The following VWA8 variants were observed in gnomAD, a reference collection of about 807,000 sequenced individuals.
VWA8 encodes the protein von Willebrand factor A domain-containing protein 8.
VWA8 carries 221 observed loss-of-function variants against 241.5 expected under a neutral mutation model. The ratio of observed to expected loss-of-function variants is 0.91; its 90% CI spans 0.82 to 1.02. The LOEUF (loss-of-function observed/expected upper bound fraction) is 1.02, where lower values mean the gene tolerates loss of function less well. Among genes scored for constraint, VWA8 ranks in the 50% least tolerant of loss-of-function variants. The pLI, the probability that VWA8 is intolerant of heterozygous loss-of-function variation, is 0.00. For missense variants in VWA8, 2,322 were observed against 2,328.7 expected, an observed-to-expected ratio of 1.00 and a Z score of 0.06; for synonymous variants, 852 against 827.1, an observed-to-expected ratio of 1.03 and a Z score of -0.52.
At chr13:41,927,955 A>G (rs1015242627) in intron 2 of VWA8, among the ~76,000 whole-genome samples, 1 of 152,232 alleles carries the variant, frequency 6.6e-6, no homozygotes, top group Non-Finnish European at 1.5e-5. Flanking sequence ...GAATGGCTAT[A>G]CTAATATCTA....
chr13:41,670,355 T>C (rs947043531), intron 37 of VWA8, among the ~76,000 whole-genome samples: 1 of 151,632 alleles, frequency 6.6e-6, no homozygotes, highest in Non-Finnish European at 1.5e-5. Context: ...ACTGAGTCAT[T>C]TCTGGAGTTA....
chr13:41,586,749 T>A (rs2044420862), intron 42 of VWA8, among the ~76,000 whole-genome samples: 1 of 152,238 alleles, frequency 6.6e-6, no homozygotes, highest in African/African-American at 2.4e-5. Context: ...TGATCCGTAA[T>A]AAAATCTAGT....
At chr13:41,778,891 G>C (rs1868753734) in intron 19 of VWA8, among the ~76,000 whole-genome samples, 1 of 138,138 alleles carries the variant, frequency 7.2e-6, no homozygotes, top group Admixed American at 7.9e-5. Context: ...GCCCAGGCTG[G>C]AGTGCAGTGG....
chr13:41,732,115 T>C lies in VWA8; in HGVS notation c.2467A>G (p.Lys823Glu), dbSNP rs1593728154. ...TCTTCATATACAATAAGTCCGTCTT[T>C]AACCGAAGGCTGAAGCGTAAGAGTT... The part of the protein sequence containing the change: ...VQTLTLQPSV[K>E]DGLIVYEDSP... Residue 823 changes from lysine (K) to glutamate (E), a missense_variant, in exon 22 of 45, where the codon AAA becomes GAA. By Grantham distance (56) the Lys-to-Glu change is moderately conservative. Coordinates refer to ENST00000379310, the MANE Select transcript of VWA8 (RefSeq NM_015058.2). 1.9e-6 allele frequency: 3 copies of C among 1,613,438 alleles called. No individual in the cohort carries two copies. Among genetic ancestry groups the C allele is most frequent in the East Asian group, 4.5e-5 (2 of 44,824 alleles).
rs751926149 is a variant in VWA8 at position 41,575,791 on chromosome 13, A to G, written c.5319T>C (p.Val1773=). The G allele has an allele frequency of 5.6e-6, 9 of 1,613,342 alleles. No individual in the cohort carries two copies. The African/African-American group carries it at 1.1e-4, about 19-fold the overall frequency. The change falls in exon 43 of 45, where the codon GTT becomes GTC. Residue 1773 remains valine (V), a synonymous_variant. Transcript: ENST00000379310. ...HSGDGYNIGL[V]PMNKIPKDNK... ...TGTCCTTGGGGATTTTGTTCATTGG[A>G]ACCAGACCAATGTTGTAGCCATCTC... is the stretch of plus-strand genomic sequence containing the variant.
chr13:41,912,163 C>A lies in VWA8; in HGVS notation c.247G>T (p.Asp83Tyr). 1 of 1,585,626 alleles carries A rather than the reference C, an allele frequency of 6.3e-7. No homozygotes were observed. Among genetic ancestry groups the A allele is most frequent in the Non-Finnish European group, 8.6e-7 (1 of 1,166,160 alleles). The stretch of plus-strand genomic sequence containing the variant: ...TGAACTACAGATTGAGCCAGAGAGT[C>A]TGAAACTATAAAGAAAAAAGAGAAA... ...PELVPQNYIS[D>Y]SLAQSVVQHL... is the part of the protein sequence containing the mutation. Residue 83 changes from aspartate to tyrosine, a missense_variant, in exon 3 of 45, where the codon GAC (aspartate) becomes TAC (tyrosine). Physicochemically the swap from Asp to Tyr is radical, Grantham distance 160 (BLOSUM62 -3). Transcript: ENST00000379310.
chr13:41,585,935 C>A (rs1242974571), intron 42 of VWA8, among the ~76,000 whole-genome samples: 1 of 147,384 alleles, frequency 6.8e-6, no homozygotes, highest in Non-Finnish European at 1.5e-5. Flanking sequence ...CCGAGGAACA[C>A]TGAAATTCAA....
intron 37 of VWA8, among the ~76,000 whole-genome samples, chr13:41,618,091 C>A (rs1006857942): frequency 1.3e-5 from 2 of 152,198 alleles, no homozygotes; most frequent in African/African-American, 2.4e-5. Flanking sequence ...TACAGTCCCA[C>A]CAACAGTGTA....
chr13:41,881,860 C>G (rs1162869977), intron 9 of VWA8, among the ~76,000 whole-genome samples: 1 of 134,292 alleles, frequency 7.4e-6, no homozygotes, highest in Non-Finnish European at 1.6e-5. Context: ...GGGGGGCTGA[C>G]CCCCCCACCT....
intron 21 of VWA8, among the ~76,000 whole-genome samples, chr13:41,746,311 T>G (rs1462617921): frequency 6.6e-6 from 1 of 152,216 alleles, no homozygotes; most frequent in East Asian, 1.9e-4. Flanking sequence ...TCAGTGGTTC[T>G]CAAGCTCCTT....
chr13:41,608,091 C>A lies in VWA8; in HGVS notation c.4878-2815G>T, dbSNP rs867948409. The stretch of plus-strand genomic sequence containing the variant: ...ACACACAAACATATCAAGGAAGGAG[C>A]TAGCCATTTGGTAAGCCACCTCGAG... On this transcript the variant is annotated intron_variant, in intron 39 of 44. Coordinates refer to ENST00000379310, the MANE Select transcript of VWA8 (RefSeq NM_015058.2). 1.1e-4 allele frequency among the ~76,000 whole-genome samples: 17 copies of A among 152,184 alleles called. No homozygotes were observed. In the South Asian group the frequency reaches 1.2e-3, roughly 11 times the overall value.
intron 2 of VWA8, chr13:41,927,042 T>G (rs1034150087): frequency 2.6e-6 from 1 of 386,900 alleles, no homozygotes; most frequent in Non-Finnish European, 5.1e-6. Context: ...CACTTTGAGC[T>G]GCTTGTCATG....
intron 39 of VWA8, among the ~76,000 whole-genome samples, chr13:41,606,986 G>A (rs2044557660): frequency 6.6e-6 from 1 of 152,102 alleles, no homozygotes; most frequent in African/African-American, 2.4e-5. Context: ...CTCTGTTATG[G>A]TGTTTTCAAA....
At chr13:41,674,745 T>C (rs2045048550) in intron 36 of VWA8, among the ~76,000 whole-genome samples, 1 of 152,164 alleles carries the variant, frequency 6.6e-6, no homozygotes, top group Non-Finnish European at 1.5e-5. Flanking sequence ...TAAGTCCTAT[T>C]CTAAAGCTTT....
At position 41,912,249 on chromosome 13, in the gene VWA8, A is replaced by T. The variant is rs201073553; in HGVS notation, c.242-81T>A. The T allele has an allele frequency of 4.7e-4, 215 of 456,300 alleles. 1 individual carries two copies. The highest frequency in any genetic ancestry group is 6.6e-4 in the Non-Finnish European group (208 of 316,830). 28.3% of individuals were successfully genotyped at this position (456,300 alleles called of 1,614,324 possible). ...ATCTCCAAGTAATGTGGACATATTT[A>T]TATATATATATAACGTATATAAAAT... On this transcript the variant is annotated intron_variant, in intron 2 of 44. Coordinates refer to ENST00000379310, the MANE Select transcript of VWA8 (RefSeq NM_015058.2).
intron 21 of VWA8, among the ~76,000 whole-genome samples, chr13:41,759,315 C>G (rs1279566230): frequency 6.6e-6 from 1 of 151,362 alleles, no homozygotes; most frequent in Non-Finnish European, 1.5e-5. Context: ...TCATTGTTCC[C>G]CTATAGGTAA....
At chr13:41,697,176 A>G (rs2045220584) in intron 29 of VWA8, among the ~76,000 whole-genome samples, 1 of 152,062 alleles carries the variant, frequency 6.6e-6, no homozygotes, top group African/African-American at 2.4e-5. Context: ...TCTCACCCCA[A>G]ATATTGGAAT....
rs534468973 is a variant in VWA8, at chr13:41,710,335, C to A, written c.3117-6924G>T. Among the ~76,000 whole-genome samples, 6 of 152,240 alleles carry A rather than the reference C, an allele frequency of 3.9e-5. No homozygotes were observed. The South Asian group carries it at 1.2e-3, about 32-fold the overall frequency. ...TTTCATAAAACATCACTTTTAAATGCTTAAGGGATCCAGAATCATTCTGTG... is the reference window on the plus strand; with the variant it reads ...TTTCATAAAACATCACTTTTAAATGATTAAGGGATCCAGAATCATTCTGTG... On this transcript the variant is annotated intron_variant, in intron 26 of 44. Transcript: ENST00000379310.
chr13:41,911,915 T>C, intron 3 of VWA8, 123 bp downstream of exon 3: 1 of 1,151,374 alleles, frequency 8.7e-7, no homozygotes. Flanking sequence ...AATCACCCTT[T>C]GATGTCAGCA....
Sources: allele counts gnomAD v4.1 joint callset (sites outside exome capture counted in the v4.1 genomes callset), GRCh38; gene constraint gnomAD v4.1.1; transcripts MANE v1.5; gene names NCBI Gene and HGNC (gene_info 2026-07-23, HGNC 2026-07-21).